MDFIC: variants seen among roughly 807,000 people sequenced by gnomAD.
The protein encoded by MDFIC is MyoD family inhibitor domain containing, also known as myoD family inhibitor domain-containing protein.
A neutral mutation model predicts 23.2 loss-of-function variants in MDFIC; 17 were observed. The ratio of observed to expected loss-of-function variants is 0.73; its 90% confidence interval spans 0.50 to 1.10. MDFIC has a LOEUF of 1.10. MDFIC is among the 50% of genes least tolerant of loss of function. MDFIC has a pLI of 0.00. For synonymous variants in MDFIC, 120 were observed against 115.2 expected (o/e 1.04, Z -0.27); for missense variants, 356 against 316.6 (o/e 1.12, Z -0.95).
chr7:114,969,167 G>C (rs1273462950), intron 3 of MDFIC, among the ~76,000 whole-genome samples: 1 of 152,186 alleles, frequency 6.6e-6, no homozygotes, highest in Non-Finnish European at 1.5e-5. Flanking sequence ...AGTTACAACA[G>C]AGTGAATTTC....
intron 4 of MDFIC, among the ~76,000 whole-genome samples, chr7:114,992,014 CTT>C (rs1166894142): frequency 6.6e-6 from 1 of 152,190 alleles, no homozygotes; most frequent in East Asian, 1.9e-4. Flanking sequence ...TTTGTGTCCT[CTT>C]TTATTTCGTT....
At position 114,993,728 on chromosome 7, in the gene MDFIC, T is replaced by C. The variant is rs571298599; in HGVS notation, c.493+13947T>C. On this transcript the variant is annotated intron_variant, in intron 4 of 4. Transcript: ENST00000393486. ...GGTCTGAGAGACAGTTTGTTATAAT[T>C]TCTGTTCTTTTATATTTGCTGAGGA... Among the ~76,000 whole-genome samples, 636 of 152,338 alleles carry C rather than the reference T, an allele frequency of 4.2e-3. 4 individuals carry two copies. Among genetic ancestry groups the C allele is most frequent in the Non-Finnish European group, 5.9e-3 (402 of 68,038 alleles).
At position 114,922,601 on chromosome 7, in the gene MDFIC, GGAA is replaced by G; in HGVS notation, c.-141_-139del. 1 of 1,269,608 alleles carries G rather than the reference GGAA, an allele frequency of 7.9e-7. No homozygotes were observed. The highest frequency in any genetic ancestry group is 1.0e-6 in the Non-Finnish European group (1 of 1,000,094). 78.6% of individuals were successfully genotyped at this position (1,269,608 alleles called of 1,614,324 possible). ...GGGCGGAAGAGGAGGAGGAGGAGGA[GGAA>G]GGGGCTTGGAGCGACTACGGGGGGA... On this transcript the variant is annotated 5_prime_UTR_variant, in exon 1 of 5. Transcript: ENST00000393486.
At chr7:114,979,846 T>A (rs1359021439) in intron 4 of MDFIC, 65 bp downstream of exon 4, 2 of 1,540,350 alleles carry the variant, frequency 1.3e-6, no homozygotes, top group Non-Finnish European at 1.8e-6. Flanking sequence ...TGGTAATTAT[T>A]TGATCAAGCA....
intron 3 of MDFIC, among the ~76,000 whole-genome samples, chr7:114,978,281 T>C (rs1331915056): frequency 6.6e-6 from 1 of 152,066 alleles, no homozygotes; most frequent in Non-Finnish European, 1.5e-5. Flanking sequence ...CTCTTCCATA[T>C]ACATTTTTGG....
In MDFIC at chr7:114,945,694, A is replaced by G. The variant is rs144003341; in HGVS notation, c.217+3297A>G. Among the ~76,000 whole-genome samples the G allele has an allele frequency of 1.7e-3, 258 of 152,352 alleles. 1 individual carries two copies. The highest frequency in any genetic ancestry group is 5.9e-3 in the African/African-American group (245 of 41,590). Reference sequence around the variant, plus strand: ...AACGCACATTTTGGTTCTCTTTCCTATGAAATTTAAATTTAAAAAGACAAT... The same window carrying G: ...AACGCACATTTTGGTTCTCTTTCCTGTGAAATTTAAATTTAAAAAGACAAT... On this transcript the variant is annotated intron_variant, in intron 3 of 4. Transcript: ENST00000393486.
intron 4 of MDFIC, among the ~76,000 whole-genome samples, chr7:114,989,118 G>A (rs773669028): frequency 2.0e-5 from 3 of 152,244 alleles, no homozygotes; most frequent in Non-Finnish European, 2.9e-5. Context: ...AAAAGAGGAC[G>A]ATTATCTGGC....
At chr7:114,966,995 C>T (rs1302958357) in intron 3 of MDFIC, among the ~76,000 whole-genome samples, 2 of 152,004 alleles carry the variant, frequency 1.3e-5, no homozygotes, top group Admixed American at 1.3e-4. Context: ...AATATATCTA[C>T]TTAGAGCAAA....
At chr7:114,975,644 C>G (rs550614437) in intron 3 of MDFIC, among the ~76,000 whole-genome samples, 1 of 151,586 alleles carries the variant, frequency 6.6e-6, no homozygotes, top group Admixed American at 6.6e-5. Flanking sequence ...TGGTTTAATC[C>G]GTCAGGTGTT....
intron 2 of MDFIC, 45 bp from the exon 3 acceptor site, chr7:114,942,230 A>C (rs1446187448): frequency 1.6e-6 from 2 of 1,219,266 alleles, no homozygotes; most frequent in Non-Finnish European, 2.2e-6. Flanking sequence ...AAGGAGAGAA[A>C]AATATATAAA....
In MDFIC at chr7:115,017,088, C is replaced by G. The variant is rs1275804386; in HGVS notation, c.*1153C>G. The G allele has an allele frequency of 6.6e-6, 1 of 152,156 alleles. No individual in the cohort carries two copies. The highest frequency in any genetic ancestry group is 1.5e-5 in the Non-Finnish European group (1 of 68,016). The allele number at this position is 152,156 out of a possible 1,614,324, so 9.4% of individuals were successfully genotyped here. The stretch of plus-strand genomic sequence containing the variant: ...TTAAATGAATTATTTAGATTTTTGA[C>G]AAAGATTTAGGTGGACACCCTAAAC... On this transcript the variant is annotated 3_prime_UTR_variant, in exon 5 of 5. Transcript: ENST00000393486.
intron 4 of MDFIC, among the ~76,000 whole-genome samples, chr7:114,986,139 A>G (rs760702403): frequency 7.2e-5 from 11 of 151,914 alleles, no homozygotes; most frequent in Non-Finnish European, 1.5e-4. Flanking sequence ...TACAGGAGAC[A>G]TTTGGACCTA....
intron 4 of MDFIC, among the ~76,000 whole-genome samples, chr7:114,993,144 T>A: frequency 6.6e-6 from 1 of 152,208 alleles, no homozygotes; most frequent in East Asian, 1.9e-4. Flanking sequence ...TGTGTAGAGG[T>A]GTTTATAGTA....
chr7:114,945,407 C>T (rs1238676749), intron 3 of MDFIC, among the ~76,000 whole-genome samples: 1 of 152,156 alleles, frequency 6.6e-6, no homozygotes, highest in Non-Finnish European at 1.5e-5. Context: ...CTGACCTTAG[C>T]GGACTACCTG....
chr7:114,993,886 T>G (rs1791249350), intron 4 of MDFIC, among the ~76,000 whole-genome samples: 1 of 152,224 alleles, frequency 6.6e-6, no homozygotes, highest in South Asian at 2.1e-4. Flanking sequence ...AGAGCTGAGT[T>G]CAGTTCCTGG....
chr7:114,989,605 A>G (rs1262218732), intron 4 of MDFIC, among the ~76,000 whole-genome samples: 1 of 152,208 alleles, frequency 6.6e-6, no homozygotes. Flanking sequence ...AATACACTGA[A>G]CTAAATGAAT....
intron 4 of MDFIC, among the ~76,000 whole-genome samples, chr7:114,992,482 G>A (rs1791195230): frequency 6.6e-6 from 1 of 152,136 alleles, no homozygotes; most frequent in East Asian, 1.9e-4. Flanking sequence ...TATTGGCTGT[G>A]GGTTTGTCAT....
At chr7:114,955,606 T>A (rs1220749589) in intron 3 of MDFIC, among the ~76,000 whole-genome samples, 1 of 152,210 alleles carries the variant, frequency 6.6e-6, no homozygotes, top group Non-Finnish European at 1.5e-5. Flanking sequence ...ATGCACATAG[T>A]TTCCCCCAAA....
chr7:115,002,442 C>A (rs1218213003), intron 4 of MDFIC, among the ~76,000 whole-genome samples: 2 of 152,218 alleles, frequency 1.3e-5, no homozygotes, highest in Non-Finnish European at 2.9e-5. Flanking sequence ...ATTCCTGCAA[C>A]AAATCATTCT....
Sources: allele counts gnomAD v4.1 joint callset (sites outside exome capture counted in the v4.1 genomes callset), GRCh38; gene constraint gnomAD v4.1.1; transcripts MANE v1.5; gene names NCBI Gene and HGNC (gene_info 2026-07-23, HGNC 2026-07-21).